The following RXYLT1 variants were observed in gnomAD, a reference collection of about 807,000 sequenced individuals.
The protein encoded by RXYLT1 is ribitol-5-phosphate xylosyltransferase 1.
In RXYLT1, 41 loss-of-function variants were observed where a neutral mutation model predicts 43.5. The observed-to-expected ratio is 0.94, with a 90% CI of 0.73 to 1.22. The LOEUF is 1.22. Ranked by LOEUF, RXYLT1 falls within the 50% of genes most tolerant of loss-of-function variation. The pLI is 0.00. For synonymous variants in RXYLT1, 166 were observed against 194.4 expected (o/e 0.85, Z 1.21); for missense variants, 514 against 532.0 (o/e 0.97, Z 0.33).
intron 3 of RXYLT1, chr12:63,785,314 C>T (rs1897776422): frequency 4.8e-6 from 1 of 207,598 alleles, no homozygotes; most frequent in Admixed American, 5.6e-5. Flanking sequence ...TTATTTTTAC[C>T]TAATTATATA....
rs1056446098 is a variant in RXYLT1 at position 63,802,544 on chromosome 12, C to T, written c.743+139C>T. The T allele has an allele frequency of 4.2e-5, 30 of 720,212 alleles. No homozygotes were observed. The African/African-American group carries it at 4.2e-4, about 10-fold the overall frequency. The allele number at this position is 720,212 out of a possible 1,614,324, so 44.6% of individuals were successfully genotyped here. On this transcript the variant is annotated intron_variant, in intron 4 of 5. Transcript: ENST00000261234. ...GTACAGTCTTTCTCAGAGATAAAAA[C>T]AGGGTGTGGTCGCATCCTTCAATAA...
Position 63,808,871 on chromosome 12 carries a change from G to A in RXYLT1, c.1111G>A (p.Ala371Thr), listed in dbSNP as rs1185604183. The A allele has an allele frequency of 1.2e-6, 2 of 1,613,986 alleles. No homozygotes were observed. Among genetic ancestry groups the A allele is most frequent in the Non-Finnish European group, 1.7e-6 (2 of 1,180,042 alleles). The part of the protein sequence containing the change: ...NCGNTSVHHG[A>T]PLQLLKSMGA... ...TGGGAATACATCTGTGCACCACGGT[G>A]CTCCTCTGCAGTTACTCAAGTCCAT... Residue 371 changes from alanine (A) to threonine (T), a missense_variant, in exon 6 of 6, where the codon GCT becomes ACT. By Grantham distance (58) the Ala-to-Thr change is moderately conservative. Transcript: ENST00000261234.
intron 3 of RXYLT1, among the ~76,000 whole-genome samples, chr12:63,789,535 G>A (rs539009225): frequency 4.5e-4 from 69 of 152,226 alleles, no homozygotes; most frequent in African/African-American, 1.6e-3. Context: ...TTGGAAAATG[G>A]TACCAATAGA....
At chr12:63,795,749 C>T (rs561313261) in intron 3 of RXYLT1, 9 of 152,010 alleles carry the variant, frequency 5.9e-5, no homozygotes, top group Non-Finnish European at 1.3e-4. Context: ...GAGCATTTAT[C>T]TCTATGAACT....
chr12:63,799,075 A>G (rs1277670160), intron 3 of RXYLT1, among the ~76,000 whole-genome samples: 1 of 152,194 alleles, frequency 6.6e-6, no homozygotes, highest in Non-Finnish European at 1.5e-5. Flanking sequence ...GCTTCGCAGT[A>G]TTGACCCCAT....
intron 3 of RXYLT1, among the ~76,000 whole-genome samples, chr12:63,791,141 T>C (rs1016898264): frequency 6.6e-6 from 1 of 152,204 alleles, no homozygotes; most frequent in Non-Finnish European, 1.5e-5. Flanking sequence ...ACCCATTCTG[T>C]CTCTTGAAGG....
intron 3 of RXYLT1, among the ~76,000 whole-genome samples, chr12:63,788,745 A>G (rs1897859196): frequency 6.6e-6 from 1 of 152,192 alleles, no homozygotes; most frequent in Non-Finnish European, 1.5e-5. Flanking sequence ...CAATAAGACT[A>G]TTTCACCTTC....
At chr12:63,805,471 C>T in intron 5 of RXYLT1, 67 bp downstream of exon 5, 1 of 1,450,010 alleles carries the variant, frequency 6.9e-7, no homozygotes, top group South Asian at 1.4e-5. Flanking sequence ...TATGTAGAAA[C>T]ACAGGTTTCC....
In RXYLT1 at chr12:63,784,991, T is replaced by C. The variant is rs200213991; in HGVS notation, c.347T>C (p.Ile116Thr). ...CCAGGCTTGTATCTCTGGGAGCATA[T>C]TTTTGAAGGCTTACTTGATCCCAGC... is the stretch of plus-strand genomic sequence containing the variant. ...AAIGLYLWEH[I>T]FEGLLDPSDV... is the part of the protein sequence containing the mutation. Residue 116 changes from isoleucine (I) to threonine (T), a missense_variant, in exon 3 of 6, where the codon ATT (isoleucine) becomes ACT (threonine). Physicochemically the swap from Ile to Thr is moderately conservative, Grantham distance 89. Coordinates refer to ENST00000261234, the MANE Select transcript of RXYLT1 (RefSeq NM_014254.3). The C allele has an allele frequency of 1.4e-5, 22 of 1,613,804 alleles. No individual in the cohort carries two copies. Among genetic ancestry groups the C allele is most frequent in the Admixed American group, 1.7e-5 (1 of 60,012 alleles).
At chr12:63,798,542 C>T (rs1044066584) in intron 3 of RXYLT1, among the ~76,000 whole-genome samples, 4 of 152,138 alleles carry the variant, frequency 2.6e-5, no homozygotes, top group Admixed American at 6.5e-5. Context: ...GGTTCCTTGA[C>T]GGAGGCACTG....
intron 5 of RXYLT1, 116 bp from the exon 6 acceptor site, chr12:63,808,559 T>A: frequency 2.6e-6 from 3 of 1,172,402 alleles, no homozygotes; most frequent in Middle Eastern, 2.1e-4. Flanking sequence ...ATGCCTATCA[T>A]CTCTATAAAG....
chr12:63,793,923 T>C (rs1450618028), intron 3 of RXYLT1, among the ~76,000 whole-genome samples: 1 of 152,208 alleles, frequency 6.6e-6, no homozygotes, highest in Non-Finnish European at 1.5e-5. Context: ...AACAACTTCT[T>C]ACAATACTGA....
Position 63,782,159 on chromosome 12 carries a change from T to TA in RXYLT1, c.325+987dup, listed in dbSNP as rs537357585. On this transcript the variant is annotated intron_variant, in intron 2 of 5. Transcript: ENST00000261234. ...TTCATCAAATGCTACCTTTTTTTTT[T>TA]AACACCTCTGCTAGCAGGAAAAATG... Among the ~76,000 whole-genome samples the TA allele has an allele frequency of 2.2e-4, 34 of 152,216 alleles. No homozygotes were observed. In the South Asian group the frequency reaches 6.2e-3, roughly 28 times the overall value.
chr12:63,783,774 C>T (rs1194971693), intron 2 of RXYLT1, among the ~76,000 whole-genome samples: 1 of 152,142 alleles, frequency 6.6e-6, no homozygotes, highest in African/African-American at 2.4e-5. Context: ...CCATAGCATC[C>T]TATTGCAGCC....
At chr12:63,781,806 G>A (rs1232892125) in intron 2 of RXYLT1, among the ~76,000 whole-genome samples, 4 of 152,060 alleles carry the variant, frequency 2.6e-5, no homozygotes, top group East Asian at 1.9e-4. Flanking sequence ...CTTAGAAAGC[G>A]CTTTATGTGG....
At chr12:63,787,775 C>T (rs535246720) in intron 3 of RXYLT1, among the ~76,000 whole-genome samples, 10 of 152,190 alleles carry the variant, frequency 6.6e-5, no homozygotes, top group African/African-American at 2.2e-4. Flanking sequence ...TATGGGCATA[C>T]GCCACCACAC....
At chr12:63,806,718 C>T (rs1261104230) in intron 5 of RXYLT1, 2 of 151,968 alleles carry the variant, frequency 1.3e-5, no homozygotes, top group Non-Finnish European at 2.9e-5. Context: ...GACTATTCTC[C>T]CCTTTCCCTC....
chr12:63,802,040 C>G (rs1035710228), intron 3 of RXYLT1, 51 bp from the exon 4 acceptor site: 2 of 1,480,846 alleles, frequency 1.4e-6, no homozygotes, highest in Non-Finnish European at 1.8e-6. Context: ...TACCACATAC[C>G]TTTGTTCAGG....
intron 3 of RXYLT1, chr12:63,795,706 AAATAT>A (rs1445640706): frequency 6.6e-6 from 1 of 152,152 alleles, no homozygotes; most frequent in African/African-American, 2.4e-5. Flanking sequence ...ACCCAATATT[AAATAT>A]AATACCAGAC....
Sources: allele counts gnomAD v4.1 joint callset (sites outside exome capture counted in the v4.1 genomes callset), GRCh38; gene constraint gnomAD v4.1.1; transcripts MANE v1.5; gene names NCBI Gene and HGNC (gene_info 2026-07-23, HGNC 2026-07-21).